Variants in ZNF385D observed in about 807,000 individuals in gnomAD.
The protein encoded by ZNF385D is zinc finger protein 385D.
ZNF385D carries 15 observed loss-of-function variants against 35.8 expected under a neutral mutation model. That is an observed-to-expected ratio of 0.42 (90% CI 0.28 to 0.64). The LOEUF is 0.64. Among genes scored for constraint, ZNF385D ranks in the 30% least tolerant of loss-of-function variants. The pLI, the probability that ZNF385D is intolerant of heterozygous loss-of-function variation, is 0.23. For synonymous variants in ZNF385D, 212 were observed against 186.8 expected (o/e 1.13, Z -1.10); for missense variants, 474 against 494.6 (o/e 0.96, Z 0.39).
At chr3:22,289,961 A>G (rs1383275478) in intron 2 of ZNF385D, among the ~76,000 whole-genome samples, 2 of 152,102 alleles carry the variant, frequency 1.3e-5, no homozygotes, top group Non-Finnish European at 2.9e-5. Flanking sequence ...GAGTTTGTGG[A>G]AAAAAACCCT....
chr3:21,874,986 G>A (rs1053024509), intron 3 of ZNF385D, among the ~76,000 whole-genome samples: 7 of 122,364 alleles, frequency 5.7e-5, no homozygotes, highest in African/African-American at 1.8e-4. Context: ...TTATTTTGAT[G>A]CCTTTTTTTA....
chr3:21,751,267 C>T (rs1006275941), upstream of ZNF385D: 11 of 1,117,344 alleles, frequency 9.8e-6, no homozygotes, highest in African/African-American at 1.6e-4. Context: ...GGTTAGCAGC[C>T]GCTCCACGAG....
At chr3:21,468,872 T>C (rs1703700235) in intron 4 of ZNF385D, among the ~76,000 whole-genome samples, 1 of 152,018 alleles carries the variant, frequency 6.6e-6, no homozygotes, top group African/African-American at 2.4e-5. Context: ...GAGATTGCAG[T>C]GAACCGAGAT....
chr3:21,644,283 A>T (rs1205214081), intron 2 of ZNF385D, among the ~76,000 whole-genome samples: 2 of 152,196 alleles, frequency 1.3e-5, no homozygotes, highest in African/African-American at 4.8e-5. Context: ...GATTAATGAA[A>T]GCAAGATAAT....
chr3:21,709,479 T>A (rs544686089), intron 1 of ZNF385D, among the ~76,000 whole-genome samples: 1 of 137,510 alleles, frequency 7.3e-6, no homozygotes, highest in Non-Finnish European at 1.6e-5. Context: ...CTCCTGAGGC[T>A]TCTATGAAAA....
intron 2 of ZNF385D, among the ~76,000 whole-genome samples, chr3:22,207,397 A>G (rs1697228335): frequency 6.6e-6 from 1 of 151,978 alleles, no homozygotes; most frequent in African/African-American, 2.4e-5. Context: ...CATATGCAGA[A>G]GAAAACAAAG....
intron 2 of ZNF385D, among the ~76,000 whole-genome samples, chr3:21,596,486 A>AT (rs1242083066): frequency 1.3e-5 from 2 of 152,202 alleles, no homozygotes; most frequent in Non-Finnish European, 2.9e-5. Flanking sequence ...TGATGTTATG[A>AT]GGAAATGAAA....
At chr3:22,129,825 T>C (rs80217320) in intron 3 of ZNF385D, among the ~76,000 whole-genome samples, 2,748 of 152,246 alleles carry the variant, frequency 0.018, 69 homozygotes, top group African/African-American at 0.063. Flanking sequence ...TATTTTACTG[T>C]GGCTGACCAT....
At chr3:21,850,562 A>C (rs1696319165) in intron 3 of ZNF385D, among the ~76,000 whole-genome samples, 1 of 152,154 alleles carries the variant, frequency 6.6e-6, no homozygotes, top group Non-Finnish European at 1.5e-5. Context: ...CATTTGGCTG[A>C]ATGCTAAATT....
intron 4 of ZNF385D, among the ~76,000 whole-genome samples, chr3:21,469,641 T>C (rs749412424): frequency 6.6e-6 from 1 of 152,178 alleles, no homozygotes; most frequent in African/African-American, 2.4e-5. Context: ...CCACTGATAC[T>C]CAAGTTCTTT....
Position 21,830,311 on chromosome 3 carries a change from A to G in ZNF385D, c.326-165283T>C, listed in dbSNP as rs184604150. 1.7e-3 allele frequency among the ~76,000 whole-genome samples: 259 copies of G among 152,224 alleles called. 1 individual carries two copies. The highest frequency in any genetic ancestry group is 2.5e-3 in the Non-Finnish European group (168 of 68,012). ...CTTGTTTAAGCAGTTTCTTTGACTG[A>G]TATTTGATTAACTGAGTTGATGAGC... On this transcript the variant is annotated intron_variant, in intron 3 of 5. Coordinates refer to the ZNF385D transcript ENST00000494108.
chr3:22,359,463 A>T lies in ZNF385D; in HGVS notation c.106+12987T>A, dbSNP rs574469203. Reference sequence around the variant, plus strand: ...CTTGGGCATATTGATAGAACTTAGGACTGGTTTCAGCAATGGCGATTTCCA... The same window carrying T: ...CTTGGGCATATTGATAGAACTTAGGTCTGGTTTCAGCAATGGCGATTTCCA... On this transcript the variant is annotated intron_variant, in intron 2 of 5. Coordinates refer to the ZNF385D transcript ENST00000494108. Among the ~76,000 whole-genome samples, 91 of 152,058 alleles carry T rather than the reference A, an allele frequency of 6.0e-4. 1 individual carries two copies. The highest frequency in any genetic ancestry group is 9.4e-4 in the Non-Finnish European group (64 of 67,894).
chr3:22,360,607 T>C (rs1696367441), intron 2 of ZNF385D, among the ~76,000 whole-genome samples: 1 of 152,020 alleles, frequency 6.6e-6, no homozygotes, highest in Non-Finnish European at 1.5e-5. Flanking sequence ...TTTATTTCAG[T>C]AACAAAGTAA....
intron 3 of ZNF385D, among the ~76,000 whole-genome samples, chr3:22,068,496 TCTA>T (rs1700074562): frequency 6.6e-6 from 1 of 152,182 alleles, no homozygotes; most frequent in East Asian, 1.9e-4. Context: ...CCTCTTAAGC[TCTA>T]CTAATTCACT....
rs1704863762 is a variant in ZNF385D at position 22,146,497 on chromosome 3, T to A, written c.325+22320A>T. On this transcript the variant is annotated intron_variant, in intron 3 of 5. Coordinates refer to the ZNF385D transcript ENST00000494108. ...CTGAACATTTGAAGTAATATCTACT[T>A]AGGTCCTATTAAATATTATACCATG... Among the ~76,000 whole-genome samples, 3 of 152,166 alleles carry A rather than the reference T, an allele frequency of 2.0e-5. 1 individual carries two copies. Among genetic ancestry groups the A allele is most frequent in the African/African-American group, 7.2e-5 (3 of 41,446 alleles).
At position 21,605,812 on chromosome 3, in the gene ZNF385D, AC is replaced by A. The variant is rs566875066; in HGVS notation, c.166-41129del. ...TGGATGAGGACATTGAAAGATTCTT[AC>A]CCTGATCTTTAATGATTTCTTAAAA... On this transcript the variant is annotated intron_variant, in intron 2 of 7. Coordinates refer to ENST00000281523, the MANE Select transcript of ZNF385D (RefSeq NM_024697.3). Among the ~76,000 whole-genome samples, 168 of 152,284 alleles carry A rather than the reference AC, an allele frequency of 1.1e-3. 1 individual carries two copies. Among genetic ancestry groups the A allele is most frequent in the African/African-American group, 3.8e-3 (156 of 41,572 alleles).
At chr3:21,778,663 T>C (rs1425117123) in intron 3 of ZNF385D, among the ~76,000 whole-genome samples, 1 of 151,904 alleles carries the variant, frequency 6.6e-6, no homozygotes, top group East Asian at 1.9e-4. Context: ...TTCTGATTTC[T>C]CACAATACAA....
intron 2 of ZNF385D, among the ~76,000 whole-genome samples, chr3:22,279,138 G>T (rs146102609): frequency 6.6e-6 from 1 of 151,922 alleles, no homozygotes; most frequent in Non-Finnish European, 1.5e-5. Flanking sequence ...GGTTTTGGGG[G>T]AACAGGTGAT....
intron 2 of ZNF385D, among the ~76,000 whole-genome samples, chr3:22,243,578 CCTG>C (rs1214527983): frequency 1.3e-5 from 2 of 150,908 alleles, no homozygotes; most frequent in African/African-American, 4.9e-5. Flanking sequence ...GAGAAATTAG[CCTG>C]CTATTATGAC....
Sources: allele counts gnomAD v4.1 joint callset (sites outside exome capture counted in the v4.1 genomes callset), GRCh38; gene constraint gnomAD v4.1.1; transcripts MANE v1.5; gene names NCBI Gene and HGNC (gene_info 2026-07-23, HGNC 2026-07-21).